Variants in RAB38 observed in about 807,000 individuals in gnomAD.
The protein encoded by RAB38 is ras-related protein Rab-38.
RAB38 carries 15 observed loss-of-function variants against 18.4 expected under a neutral mutation model. That is an observed-to-expected ratio of 0.82 (90% CI 0.55 to 1.26). The LOEUF is 1.26. Among genes scored for constraint, RAB38 ranks in the 50% most tolerant of loss-of-function variants. RAB38 has a pLI of 0.00. For synonymous variants in RAB38, 101 were observed against 104.4 expected (o/e 0.97, Z 0.20); for missense variants, 294 against 267.4 (o/e 1.10, Z -0.69).
At chr11:87,932,709 C>G in the RAB38 span, among the ~76,000 whole-genome samples, 3 of 152,032 alleles carry the variant, frequency 2.0e-5, no homozygotes, top group African/African-American at 7.2e-5. Context: ...TCCTCTTCTC[C>G]CCATCCTTTT....
At chr11:87,893,384 A>ATGTGTGTG in the RAB38 span, among the ~76,000 whole-genome samples, 1 of 50,640 alleles carries the variant, frequency 2.0e-5, no homozygotes, top group African/African-American at 4.5e-5. Flanking sequence ...ATATATATAT[A>ATGTGTGTG]TATATATTTT....
At chr11:88,008,775 G>A in the RAB38 span, among the ~76,000 whole-genome samples, 3 of 152,204 alleles carry the variant, frequency 2.0e-5, no homozygotes, top group Admixed American at 2.0e-4. Context: ...GCGGATTCAC[G>A]CCATTCTCCA....
At chr11:87,867,196 A>T in the RAB38 span, among the ~76,000 whole-genome samples, 2 of 151,750 alleles carry the variant, frequency 1.3e-5, no homozygotes, top group African/African-American at 4.8e-5. Flanking sequence ...TTAGCTCTGT[A>T]GCTAATTGGG....
chr11:87,958,186 G>A, the RAB38 span, among the ~76,000 whole-genome samples: 8 of 152,136 alleles, frequency 5.3e-5, no homozygotes, highest in Admixed American at 5.2e-4. Context: ...AGCACTCTAT[G>A]GGGTTCTATG....
the RAB38 span, among the ~76,000 whole-genome samples, chr11:88,043,959 CT>C: frequency 3.3e-5 from 5 of 152,112 alleles, no homozygotes; most frequent in Non-Finnish European, 7.4e-5. Flanking sequence ...AGTAAGCAAC[CT>C]TTTTTTTACT....
the RAB38 span, chr11:88,050,072 T>C: frequency 6.6e-6 from 1 of 152,200 alleles, no homozygotes; most frequent in African/African-American, 2.4e-5. Flanking sequence ...ATTCTTCAAA[T>C]AGTACATGTG....
At chr11:87,910,721 A>C in the RAB38 span, among the ~76,000 whole-genome samples, 3 of 144,998 alleles carry the variant, frequency 2.1e-5, no homozygotes, top group Non-Finnish European at 4.4e-5. Flanking sequence ...GCTTACTGCA[A>C]TCTTCGACTC....
chr11:88,069,210 G>T, the RAB38 span, among the ~76,000 whole-genome samples: 1 of 152,328 alleles, frequency 6.6e-6, no homozygotes, highest in South Asian at 2.1e-4. Flanking sequence ...AGGTGCGGAG[G>T]GGGTGCCGGG....
chr11:88,104,913 C>A, the RAB38 span, among the ~76,000 whole-genome samples: 299 of 152,206 alleles, frequency 2.0e-3, 9 homozygotes, highest in East Asian at 0.054. Flanking sequence ...TTTATCAAAT[C>A]CCTTCTCATG....
the RAB38 span, among the ~76,000 whole-genome samples, chr11:87,875,870 G>C: frequency 1.3e-5 from 2 of 151,490 alleles, no homozygotes. Context: ...ATAATTTGTG[G>C]ATTCTTTTAG....
chr11:87,977,613 T>A, the RAB38 span, among the ~76,000 whole-genome samples: 4 of 118,406 alleles, frequency 3.4e-5, no homozygotes, highest in East Asian at 2.6e-4. Context: ...TACAATTATA[T>A]AATTATGTAA....
chr11:87,882,017 C>G, the RAB38 span, among the ~76,000 whole-genome samples: 2 of 151,954 alleles, frequency 1.3e-5, no homozygotes, highest in East Asian at 2.0e-4. Context: ...CTAATCTCCC[C>G]CCTTTAGCAC....
chr11:87,866,301 C>T, the RAB38 span, among the ~76,000 whole-genome samples: 2 of 151,602 alleles, frequency 1.3e-5, no homozygotes, highest in East Asian at 1.9e-4. Context: ...TCTATATGTA[C>T]ATTAATTTGT....
chr11:88,052,935 T>TTTCATATATATATATATATC, the RAB38 span, among the ~76,000 whole-genome samples: 7 of 85,792 alleles, frequency 8.2e-5, 1 homozygote, highest in African/African-American at 3.1e-4. Flanking sequence ...TATATATATA[T>TTTCATATATATATATATATC]ATATATATAA....
chr11:88,043,230 C>T, the RAB38 span, among the ~76,000 whole-genome samples: 1 of 152,138 alleles, frequency 6.6e-6, no homozygotes, highest in East Asian at 1.9e-4. Context: ...AATGGCAACA[C>T]TCTCAGCTAG....
At chr11:87,869,165 C>T in the RAB38 span, among the ~76,000 whole-genome samples, 1 of 151,648 alleles carries the variant, frequency 6.6e-6, no homozygotes. Context: ...GGCAAACTGT[C>T]CTTTACTGCT....
the RAB38 span, among the ~76,000 whole-genome samples, chr11:87,918,504 A>G: frequency 0.05 from 7,555 of 152,150 alleles, 597 homozygotes; most frequent in African/African-American, 0.17. Flanking sequence ...CCAACAGTGT[A>G]CAAGGATTCT....
At chr11:88,171,332 T>C (rs1943309685) in intron 1 of RAB38, among the ~76,000 whole-genome samples, 2 of 152,204 alleles carry the variant, frequency 1.3e-5, no homozygotes, top group Admixed American at 1.3e-4. Flanking sequence ...GACCATGTGC[T>C]ACCTATACCC....
intron 2 of RAB38, among the ~76,000 whole-genome samples, chr11:88,133,459 T>C (rs1443101354): frequency 1.3e-5 from 2 of 152,170 alleles, no homozygotes; most frequent in Non-Finnish European, 2.9e-5. Flanking sequence ...AAATTTAGGC[T>C]TGCTACTATG....
Sources: allele counts gnomAD v4.1 joint callset (sites outside exome capture counted in the v4.1 genomes callset), GRCh38; gene constraint gnomAD v4.1.1; transcripts MANE v1.5; gene names NCBI Gene and HGNC (gene_info 2026-07-23, HGNC 2026-07-21).